EVC: variants seen among roughly 807,000 people sequenced by gnomAD.
EVC encodes the protein EvC ciliary complex subunit 1, also known as evC complex member EVC.
In EVC, 116 loss-of-function variants were observed where a neutral mutation model predicts 118.9. That is an observed-to-expected ratio of 0.98 (90% confidence interval 0.84 to 1.14). The LOEUF is 1.14. EVC is among the 50% of genes most tolerant of loss of function. EVC has a pLI of 0.00. For synonymous variants in EVC, 619 were observed against 534.7 expected (o/e 1.16, Z -2.18); for missense variants, 1,401 against 1,246.4 (o/e 1.12, Z -1.87).
At chr4:5,792,563 A>C (rs1712987337) in intron 12 of EVC, among the ~76,000 whole-genome samples, 1 of 152,236 alleles carries the variant, frequency 6.6e-6, no homozygotes, top group African/African-American at 2.4e-5. Context: ...TCAGACCGTA[A>C]GTCAGGCCGT....
chr4:5,793,028 A>C (rs1713084947), intron 12 of EVC, among the ~76,000 whole-genome samples: 1 of 152,184 alleles, frequency 6.6e-6, no homozygotes, highest in Non-Finnish European at 1.5e-5. Context: ...TTTTTCCCCT[A>C]AACTTGACCA....
rs570601176 is a variant in EVC at position 5,722,496 on chromosome 4, C to G, written c.300+3123C>G. Among the ~76,000 whole-genome samples, 103 of 152,314 alleles carry G rather than the reference C, an allele frequency of 6.8e-4. 1 individual carries two copies. The highest frequency in any genetic ancestry group is 2.4e-3 in the African/African-American group (99 of 41,568). ...GCCCAGTGGATCGAGCTATAACTTT[C>G]TTGTCCTCTAGTGCACAGAAAACCA... On this transcript the variant is annotated intron_variant, in intron 2 of 20. Coordinates refer to ENST00000264956, the MANE Select transcript of EVC (RefSeq NM_153717.3).
chr4:5,775,883 A>G (rs535510064), intron 11 of EVC, among the ~76,000 whole-genome samples: 1 of 152,316 alleles, frequency 6.6e-6, no homozygotes, highest in South Asian at 2.1e-4. Context: ...ATTTGAGGAG[A>G]ATTAATGTGT....
the EVC span, among the ~76,000 whole-genome samples, chr4:5,823,030 G>C: frequency 2.0e-5 from 3 of 152,144 alleles, no homozygotes; most frequent in Non-Finnish European, 4.4e-5. Flanking sequence ...ACCGACAACT[G>C]TCTTGGTGAA....
intron 2 of EVC, among the ~76,000 whole-genome samples, chr4:5,720,682 T>A (rs1724798388): frequency 6.6e-6 from 1 of 152,192 alleles, no homozygotes; most frequent in African/African-American, 2.4e-5. Context: ...AGGGGGGCAT[T>A]GCCCTGCCCT....
At chr4:5,739,859 A>G (rs1728244172) in intron 5 of EVC, among the ~76,000 whole-genome samples, 1 of 145,654 alleles carries the variant, frequency 6.9e-6, no homozygotes, top group South Asian at 2.2e-4. Context: ...TGAGTTCAGG[A>G]GTTCGAGACC....
At chr4:5,823,544 T>C in the EVC span, among the ~76,000 whole-genome samples, 1 of 152,216 alleles carries the variant, frequency 6.6e-6, no homozygotes, top group Non-Finnish European at 1.5e-5. Flanking sequence ...GGGGTTTGGG[T>C]CATGAAGGAC....
intron 1 of EVC, among the ~76,000 whole-genome samples, chr4:5,713,594 T>C (rs1306558745): frequency 2.1e-5 from 3 of 144,580 alleles, no homozygotes; most frequent in Non-Finnish European, 4.5e-5. Flanking sequence ...GGAGAATCGC[T>C]GGAACCTGGG....
Position 5,797,360 on chromosome 4 carries a change from C to T in EVC, c.2097+128C>T, listed in dbSNP as rs971955837. 3.3e-5 allele frequency: 26 copies of T among 795,794 alleles called. No homozygotes were observed. In the Admixed American group the frequency reaches 3.4e-4, roughly 11 times the overall value. 49.3% of individuals were successfully genotyped at this position (795,794 alleles called of 1,614,324 possible). On this transcript the variant is annotated intron_variant, in intron 14 of 20. Transcript: ENST00000264956. The stretch of plus-strand genomic sequence containing the variant: ...GGTGCTGCAGGGTGCGGTATTCATT[C>T]GCCGGGGCTGCCATAGCAAGGTCCC...
At position 5,711,357 on chromosome 4, in the gene EVC, G is replaced by A. The variant is rs1722974413; in HGVS notation, c.-24G>A. On this transcript the variant is annotated 5_prime_UTR_variant, in exon 1 of 21. Coordinates refer to ENST00000264956, the MANE Select transcript of EVC (RefSeq NM_153717.3). ...GGTGCAGCAGGCGGCGGGATGCGGCGGGGCGGCAGCCTGAGCGCCCCGGAT... is the reference window on the plus strand; with the variant it reads ...GGTGCAGCAGGCGGCGGGATGCGGCAGGGCGGCAGCCTGAGCGCCCCGGAT... 4.0e-6 allele frequency: 4 copies of A among 1,007,862 alleles called. No individual in the cohort carries two copies. The highest frequency in any genetic ancestry group is 4.7e-6 in the Non-Finnish European group (4 of 846,024). 62.4% of individuals were successfully genotyped at this position (1,007,862 alleles called of 1,614,324 possible).
chr4:5,751,225 T>C (rs1730312394), intron 8 of EVC, among the ~76,000 whole-genome samples: 1 of 152,218 alleles, frequency 6.6e-6, no homozygotes, highest in Admixed American at 6.5e-5. Flanking sequence ...GAGCTTGTGC[T>C]CAGGTCCTGG....
the EVC span, among the ~76,000 whole-genome samples, chr4:5,828,839 T>C: frequency 6.6e-6 from 1 of 152,174 alleles, no homozygotes; most frequent in Non-Finnish European, 1.5e-5. Flanking sequence ...CCACAGTGTA[T>C]ATAACCAACA....
Position 5,731,413 on chromosome 4 carries a change from C to A in EVC, c.385-12C>A. 2 of 1,607,710 alleles carry A rather than the reference C, an allele frequency of 1.2e-6. No individual in the cohort carries two copies. The highest frequency in any genetic ancestry group is 1.7e-6 in the Non-Finnish European group (2 of 1,174,348). On this transcript the variant is annotated splice_polypyrimidine_tract_variant and intron_variant, in intron 3 of 20. Transcript: ENST00000264956. This position sits in a 1 kb window ranked among gnomAD's most constrained non-coding sequence, Gnocchi z 5.6. ...TCACATGGACTGAGTGTGACTCCTA[C>A]TGCCACCCCAGCCTCTGGCCGATGG...
intron 11 of EVC, among the ~76,000 whole-genome samples, chr4:5,763,408 T>G (rs1042796477): frequency 2.0e-5 from 3 of 147,960 alleles, no homozygotes; most frequent in African/African-American, 7.6e-5. Flanking sequence ...CCATATGAAC[T>G]TTAAAGTAGT....
intron 12 of EVC, among the ~76,000 whole-genome samples, chr4:5,792,368 T>C (rs566580252): frequency 1.3e-5 from 2 of 152,220 alleles, no homozygotes; most frequent in South Asian, 2.1e-4. Flanking sequence ...TAAGATCTGA[T>C]GAATTATACT....
rs1353252578 is a variant in EVC, at chr4:5,768,905, G to A, written c.1563+12543G>A. On this transcript the variant is annotated intron_variant, in intron 11 of 20. Coordinates refer to ENST00000264956, the MANE Select transcript of EVC (RefSeq NM_153717.3). Reference sequence around the variant, plus strand: ...TCATCATCATTCACCATATAGAAAGGTGTGCACAGAACAGGCTCTCAAGGT... The same window carrying A: ...TCATCATCATTCACCATATAGAAAGATGTGCACAGAACAGGCTCTCAAGGT... Among the ~76,000 whole-genome samples, 3 of 151,988 alleles carry A rather than the reference G, an allele frequency of 2.0e-5. 1 individual carries two copies. The highest frequency in any genetic ancestry group is 4.4e-5 in the Non-Finnish European group (3 of 68,024).
Position 5,733,457 on chromosome 4 carries a change from C to A in EVC, c.702+22C>A, listed in dbSNP as rs369085014. ...TATGGTAGGTGGAGATGTTCGCATT[C>A]CCTCCTTTTCATGGGGACAGGAGCT... On this transcript the variant is annotated intron_variant, in intron 5 of 20. Transcript: ENST00000264956. 3.8e-6 allele frequency: 6 copies of A among 1,597,620 alleles called. No homozygotes were observed. In the African/African-American group the frequency reaches 8.0e-5, roughly 21 times the overall value.
intron 15 of EVC, 77 bp from the exon 16 acceptor site, chr4:5,801,873 G>A: frequency 6.6e-7 from 1 of 1,526,676 alleles, no homozygotes; most frequent in Non-Finnish European, 9.0e-7. Context: ...GGCATGGGGA[G>A]GCAGGGACTG....
rs533756341 is a variant in EVC, at chr4:5,742,346, C to CTAGCAATGTCA, written c.801+536_801+546dup. Among the ~76,000 whole-genome samples the CTAGCAATGTCA allele has an allele frequency of 1.6e-4, 24 of 152,192 alleles. No homozygotes were observed. The East Asian group carries it at 4.2e-3, about 27-fold the overall frequency. On this transcript the variant is annotated intron_variant, in intron 6 of 20. Coordinates refer to ENST00000264956, the MANE Select transcript of EVC (RefSeq NM_153717.3). The surrounding 1 kb of genome is among the most constrained non-coding windows in gnomAD (Gnocchi z 5.2). ...GATAAGAGAGATGTGTATGATACAC[C>CTAGCAATGTCA]TAGCAATGTCATAGTTGGCTGTGAA...
Sources: allele counts gnomAD v4.1 joint callset (sites outside exome capture counted in the v4.1 genomes callset), GRCh38; gene constraint gnomAD v4.1.1; non-coding constraint Gnocchi (gnomAD v3.1); transcripts MANE v1.5; gene names NCBI Gene and HGNC (gene_info 2026-07-23, HGNC 2026-07-21).